Variants in THEMIS observed in about 807,000 individuals in gnomAD.
THEMIS encodes the protein protein THEMIS.
Under a neutral mutation model 52.6 loss-of-function variants are expected in THEMIS, and 37 were observed. The ratio of observed to expected loss-of-function variants is 0.70; its 90% confidence interval spans 0.54 to 0.93. THEMIS has a LOEUF of 0.93. Ranked by LOEUF, THEMIS falls within the 40% of genes least tolerant of loss-of-function variation. The pLI, the probability that THEMIS is intolerant of heterozygous loss-of-function variation, is 0.00. For missense variants in THEMIS, 808 were observed against 763.1 expected, an observed-to-expected ratio of 1.06 and a Z score of -0.69; for synonymous variants, 292 against 272.7, an observed-to-expected ratio of 1.07 and a Z score of -0.70.
rs193175686 is a variant in THEMIS at position 127,789,687 on chromosome 6, C to A, written c.1758+23196G>T. Among the ~76,000 whole-genome samples the A allele has an allele frequency of 2.6e-3, 397 of 152,230 alleles. 3 individuals are homozygous for A. The highest frequency in any genetic ancestry group is 5.8e-3 in the Admixed American group (89 of 15,284). On this transcript the variant is annotated intron_variant, in intron 4 of 5. Coordinates refer to ENST00000368248, the MANE Select transcript of THEMIS (RefSeq NM_001010923.3). ...AAAAGCTTATCCACCACCATCAAGT[C>A]GGCTTCATCCCTGGGATGCAAGGCT...
the THEMIS span, among the ~76,000 whole-genome samples, chr6:127,701,234 T>A: frequency 1.3e-5 from 2 of 152,104 alleles, no homozygotes; most frequent in African/African-American, 2.4e-5. Flanking sequence ...TTCTTAATAT[T>A]TATATAAACA....
At chr6:127,763,809 A>T (rs1776103132) in intron 4 of THEMIS, among the ~76,000 whole-genome samples, 1 of 151,936 alleles carries the variant, frequency 6.6e-6, no homozygotes. Context: ...AATCAATGAA[A>T]CTGATGATAT....
chr6:127,891,008 T>C (rs976792996), intron 1 of THEMIS, among the ~76,000 whole-genome samples: 1 of 152,094 alleles, frequency 6.6e-6, no homozygotes, highest in Non-Finnish European at 1.5e-5. Context: ...TGTGCCCAAG[T>C]TGGATTTTTA....
intron 4 of THEMIS, among the ~76,000 whole-genome samples, chr6:127,785,994 T>C (rs895144888): frequency 2.0e-5 from 3 of 152,156 alleles, no homozygotes; most frequent in African/African-American, 7.2e-5. Flanking sequence ...TCCCTCTTAG[T>C]AGGAGATCTT....
chr6:127,845,275 T>C (rs779512754), intron 2 of THEMIS, among the ~76,000 whole-genome samples: 1 of 151,972 alleles, frequency 6.6e-6, no homozygotes, highest in Non-Finnish European at 1.5e-5. Flanking sequence ...TTCAATACTT[T>C]TAAATTATTG....
intron 4 of THEMIS, among the ~76,000 whole-genome samples, chr6:127,749,132 T>G (rs552780950): frequency 6.6e-6 from 1 of 152,212 alleles, no homozygotes; most frequent in East Asian, 1.9e-4. Context: ...AAAACTTGAT[T>G]CAGCCATGAG....
At chr6:127,797,390 T>C (rs1008293032) in intron 4 of THEMIS, among the ~76,000 whole-genome samples, 1 of 152,154 alleles carries the variant, frequency 6.6e-6, no homozygotes, top group African/African-American at 2.4e-5. Context: ...CCAGGAAATA[T>C]ATGCACTAGT....
At chr6:127,913,936 T>C (rs779144503) in intron 1 of THEMIS, among the ~76,000 whole-genome samples, 30 of 152,304 alleles carry the variant, frequency 2.0e-4, no homozygotes, top group South Asian at 8.3e-4. Flanking sequence ...CCAAGTCTTA[T>C]ACAGGTTGAG....
chr6:127,893,637 C>T (rs1780876835), intron 1 of THEMIS, among the ~76,000 whole-genome samples: 1 of 152,104 alleles, frequency 6.6e-6, no homozygotes, highest in African/African-American at 2.4e-5. Context: ...TTGTGATGAA[C>T]ATTCTCCCTA....
chr6:127,807,757 T>C (rs1455463486), intron 4 of THEMIS, among the ~76,000 whole-genome samples: 6 of 152,212 alleles, frequency 3.9e-5, no homozygotes, highest in Non-Finnish European at 8.8e-5. Context: ...GTCACATTGT[T>C]TGTGACCAAA....
chr6:127,719,721 C>G lies in THEMIS; in HGVS notation c.1861G>C (p.Glu621Gln). The change falls in exon 5 of 6, where the codon GAA becomes CAA. Residue 621 changes from glutamate to glutamine, a missense_variant. Physicochemically the swap from Glu to Gln is conservative, Grantham distance 29 (BLOSUM62 2). Transcript: ENST00000368248. ...GCTGTGGCCCCACGGTTGCTCCTTTCTTTCTCTTCATCCACCAAATCATTC... is the reference window on the plus strand; with the variant it reads ...GCTGTGGCCCCACGGTTGCTCCTTTGTTTCTCTTCATCCACCAAATCATTC... Reference protein sequence around the residue: ...SQNDLVDEEKERSNRGATAIA... With the variant: ...SQNDLVDEEKQRSNRGATAIA... The G allele has an allele frequency of 6.2e-7, 1 of 1,612,144 alleles. No homozygotes were observed. Among genetic ancestry groups the G allele is most frequent in the Non-Finnish European group, 8.5e-7 (1 of 1,178,880 alleles).
intron 1 of THEMIS, among the ~76,000 whole-genome samples, chr6:127,885,414 G>A (rs567060780): frequency 6.6e-6 from 1 of 152,142 alleles, no homozygotes; most frequent in Non-Finnish European, 1.5e-5. Flanking sequence ...ACTCTCCCCA[G>A]TGTTCTCAAA....
chr6:127,917,131 C>A (rs1230381777), intron 1 of THEMIS, among the ~76,000 whole-genome samples: 3 of 152,134 alleles, frequency 2.0e-5, no homozygotes, highest in African/African-American at 7.2e-5. Flanking sequence ...CTAAGCTTGA[C>A]AAAGTACTGG....
chr6:127,894,349 G>A (rs1222836463), intron 1 of THEMIS, among the ~76,000 whole-genome samples: 1 of 151,602 alleles, frequency 6.6e-6, no homozygotes, highest in Non-Finnish European at 1.5e-5. Flanking sequence ...AAAATACAAT[G>A]AAATTATTAA....
At chr6:127,778,098 C>G (rs1180802655) in intron 4 of THEMIS, among the ~76,000 whole-genome samples, 2 of 152,060 alleles carry the variant, frequency 1.3e-5, no homozygotes, top group Non-Finnish European at 2.9e-5. Context: ...GTAGAAATCT[C>G]AATGCAGTCT....
rs576550317 is a variant in THEMIS, at chr6:127,859,892, C to G, written c.92-4704G>C. On this transcript the variant is annotated intron_variant, in intron 1 of 5. Transcript: ENST00000368248. ...TCCACTGGGGTTGCCAGTGGAGATGCAACTTTGCTCATTATAAATAGGTGT... is the reference window on the plus strand; with the variant it reads ...TCCACTGGGGTTGCCAGTGGAGATGGAACTTTGCTCATTATAAATAGGTGT... 2.0e-5 allele frequency among the ~76,000 whole-genome samples: 3 copies of G among 152,180 alleles called. No individual in the cohort carries two copies. In the East Asian group the frequency reaches 5.8e-4, roughly 29 times the overall value.
At chr6:127,762,145 A>G (rs1465577372) in intron 4 of THEMIS, among the ~76,000 whole-genome samples, 1 of 152,118 alleles carries the variant, frequency 6.6e-6, no homozygotes, top group Non-Finnish European at 1.5e-5. Context: ...TAATTGAAAT[A>G]TGCCAGTTAT....
intron 4 of THEMIS, among the ~76,000 whole-genome samples, chr6:127,726,683 C>T (rs2114506804): frequency 6.6e-6 from 1 of 152,160 alleles, no homozygotes; most frequent in Non-Finnish European, 1.5e-5. Flanking sequence ...TTTAATCACA[C>T]TCTTGGAAAA....
chr6:127,844,620 G>A (rs1175985531), intron 2 of THEMIS, among the ~76,000 whole-genome samples: 1 of 151,752 alleles, frequency 6.6e-6, no homozygotes, highest in Non-Finnish European at 1.5e-5. Flanking sequence ...CATAAAAATG[G>A]TATTGAAACA....
Sources: allele counts gnomAD v4.1 joint callset (sites outside exome capture counted in the v4.1 genomes callset), GRCh38; gene constraint gnomAD v4.1.1; transcripts MANE v1.5; gene names NCBI Gene and HGNC (gene_info 2026-07-23, HGNC 2026-07-21).